Variants in OCA2 observed in about 807,000 individuals in gnomAD.
OCA2 encodes OCA2 melanosomal transmembrane protein, also known as P protein.
Under a neutral mutation model 100.2 loss-of-function variants are expected in OCA2, and 77 were observed. The observed-to-expected ratio is 0.77, with a 90% CI of 0.64 to 0.93. OCA2 has a LOEUF of 0.93. OCA2 is among the 40% of genes least tolerant of loss of function. The pLI, the probability that OCA2 is intolerant of heterozygous loss-of-function variation, is 0.00. For synonymous variants in OCA2, 432 were observed against 439.2 expected, an observed-to-expected ratio of 0.98 and a Z score of 0.21; for missense variants, 1,062 against 1,089.1, an observed-to-expected ratio of 0.98 and a Z score of 0.35.
chr15:27,897,524 G>T (rs2037756104), intron 19 of OCA2, among the ~76,000 whole-genome samples: 1 of 152,244 alleles, frequency 6.6e-6, no homozygotes, highest in Non-Finnish European at 1.5e-5. Context: ...TGAGCCTGCA[G>T]GTGCATGGAA....
At chr15:27,767,948 T>C (rs750977782) in intron 23 of OCA2, among the ~76,000 whole-genome samples, 1 of 152,130 alleles carries the variant, frequency 6.6e-6, no homozygotes, top group Non-Finnish European at 1.5e-5. Context: ...CACACCTCTG[T>C]TTGGACTTGC....
chr15:27,776,974 T>TGGGGG (rs368182175), intron 23 of OCA2, among the ~76,000 whole-genome samples: 44 of 41,598 alleles, frequency 1.1e-3, no homozygotes, highest in South Asian at 2.1e-3. Context: ...GAGCGTGAGG[T>TGGGGG]GGGGGGGGGT....
intron 19 of OCA2, among the ~76,000 whole-genome samples, chr15:27,902,075 C>G (rs1000820485): frequency 1.3e-5 from 2 of 152,234 alleles, no homozygotes; most frequent in Non-Finnish European, 2.9e-5. Context: ...AATATTCCCT[C>G]TGATGGAAAT....
chr15:27,835,718 C>T (rs1034204974), intron 23 of OCA2, among the ~76,000 whole-genome samples: 1 of 152,174 alleles, frequency 6.6e-6, no homozygotes, highest in East Asian at 1.9e-4. Flanking sequence ...TATGCAATGG[C>T]GTTGGCCTCT....
rs187107894 is a variant in OCA2, at chr15:27,815,747, G to A, written c.2432+29212C>T. 1.8e-3 allele frequency among the ~76,000 whole-genome samples: 279 copies of A among 152,308 alleles called. 2 individuals are homozygous for A. The highest frequency in any genetic ancestry group is 6.4e-3 in the African/African-American group (268 of 41,562). ...GAATGCTGACACGCACTGCCTTCAGGCTTTATTGTTAGGTCTAAGACAAAA... is the reference window on the plus strand; with the variant it reads ...GAATGCTGACACGCACTGCCTTCAGACTTTATTGTTAGGTCTAAGACAAAA... On this transcript the variant is annotated intron_variant, in intron 23 of 23. Coordinates refer to ENST00000354638, the MANE Select transcript of OCA2 (RefSeq NM_000275.3).
chr15:27,864,003 C>T (rs2036229888), intron 21 of OCA2, among the ~76,000 whole-genome samples: 1 of 152,092 alleles, frequency 6.6e-6, no homozygotes, highest in Non-Finnish European at 1.5e-5. Context: ...GAGCTGGGGT[C>T]TGGCGGTGTA....
In OCA2 at chr15:27,770,991, CT is replaced by C. The variant is rs1169917040; in HGVS notation, c.2433-15520del. Among the ~76,000 whole-genome samples the C allele has an allele frequency of 7.6e-5, 7 of 92,558 alleles. No homozygotes were observed. In the East Asian group the frequency reaches 2.9e-3, roughly 38 times the overall value. The allele number at this position is 92,558 out of a possible 152,430, so 60.7% of individuals were successfully genotyped here. A position where few individuals can be genotyped will look rare whatever the true frequency, so the allele number is the denominator to read the frequency against. On this transcript the variant is annotated intron_variant, in intron 23 of 23. Transcript: ENST00000354638. ...CCTCCCTTCCTTTCCTTCTTTCTTC[CT>C]TCCCTTCCTTCCTTCCCTTCTTTTC...
chr15:27,769,721 A>G (rs1386822223), intron 23 of OCA2, among the ~76,000 whole-genome samples: 4 of 152,262 alleles, frequency 2.6e-5, no homozygotes, highest in Non-Finnish European at 5.9e-5. Context: ...CCCTTCTACA[A>G]AGGTAACACA....
intron 9 of OCA2, among the ~76,000 whole-genome samples, chr15:28,000,190 G>C (rs967535138): frequency 2.0e-5 from 3 of 152,116 alleles, no homozygotes; most frequent in African/African-American, 7.2e-5. Context: ...CTGGAGGCGT[G>C]ACACTTCCTG....
chr15:28,045,754 C>T (rs1037856698), intron 2 of OCA2, among the ~76,000 whole-genome samples: 2 of 152,200 alleles, frequency 1.3e-5, no homozygotes, highest in African/African-American at 4.8e-5. Flanking sequence ...CAGAGAAATC[C>T]AGTATTTCTC....
chr15:28,084,031 G>T (rs893118632), intron 1 of OCA2, among the ~76,000 whole-genome samples: 1 of 152,214 alleles, frequency 6.6e-6, no homozygotes, highest in African/African-American at 2.4e-5. Flanking sequence ...TTCAGAGGTG[G>T]GGTCTCAGGG....
At chr15:27,922,066 A>G (rs1011339638) in intron 19 of OCA2, among the ~76,000 whole-genome samples, 3 of 152,228 alleles carry the variant, frequency 2.0e-5, no homozygotes, top group African/African-American at 7.2e-5. Flanking sequence ...GTTTATCGAT[A>G]CCATAAGTTT....
chr15:27,900,160 AC>A (rs1295800061), intron 19 of OCA2, among the ~76,000 whole-genome samples: 2 of 152,266 alleles, frequency 1.3e-5, no homozygotes, highest in East Asian at 3.9e-4. Flanking sequence ...TTCAGTAGGG[AC>A]TTTCCCCTCT....
chr15:28,088,790 C>G (rs186377984), intron 1 of OCA2, among the ~76,000 whole-genome samples: 1 of 152,096 alleles, frequency 6.6e-6, no homozygotes, highest in African/African-American at 2.4e-5. Context: ...GGAGGCAGGG[C>G]GAGATCACAG....
intron 2 of OCA2, among the ~76,000 whole-genome samples, chr15:28,051,861 T>A (rs1361927125): frequency 6.6e-6 from 1 of 152,150 alleles, no homozygotes; most frequent in African/African-American, 2.4e-5. Context: ...ATGCCCCATG[T>A]TATCTTTCCT....
intron 17 of OCA2, 127 bp downstream of exon 17, chr15:27,955,031 G>T: frequency 1.3e-6 from 1 of 792,194 alleles, no homozygotes; most frequent in Non-Finnish European, 2.2e-6. Context: ...AAACCTCAAC[G>T]TCTTGTGTAT....
At chr15:27,752,159 C>T (rs1011853312), downstream of OCA2, among the ~76,000 whole-genome samples, 22 of 152,214 alleles carry the variant, frequency 1.4e-4, no homozygotes, top group Admixed American at 6.5e-5. Flanking sequence ...AGATCCTCGT[C>T]TGCAGCACAC....
At chr15:28,033,469 A>G (rs1480720456) in intron 2 of OCA2, among the ~76,000 whole-genome samples, 1 of 152,222 alleles carries the variant, frequency 6.6e-6, no homozygotes, top group Non-Finnish European at 1.5e-5. Flanking sequence ...TCTGTGGATG[A>G]ATAAAACATG....
rs1284013503 is a variant in OCA2, at chr15:27,951,867, A to G, written c.1868T>C (p.Leu623Pro). ...TCCCAACACTGTCAGGCATTTGGCG[A>G]GCAGAATCCCGTCAGATATCCTATG... ...KKHRISDGILLAKCLTVLGFV... is the reference protein window; with the variant it reads ...KKHRISDGILPAKCLTVLGFV... The change falls in exon 18 of 24, where the codon CTC becomes CCC. Residue 623 changes from leucine (L) to proline (P), a missense_variant. Leu to Pro is a moderately conservative substitution (Grantham distance 98). Transcript: ENST00000354638. 2.5e-6 allele frequency: 4 copies of G among 1,613,688 alleles called. No individual in the cohort carries two copies. The African/African-American group carries it at 4.0e-5, about 16-fold the overall frequency.
Sources: allele counts gnomAD v4.1 joint callset (sites outside exome capture counted in the v4.1 genomes callset), GRCh38; gene constraint gnomAD v4.1.1; transcripts MANE v1.5; gene names NCBI Gene and HGNC (gene_info 2026-07-23, HGNC 2026-07-21).